The following ATAD2B variants were observed in gnomAD, a reference collection of about 807,000 sequenced individuals.
The protein encoded by ATAD2B is ATPase family AAA domain containing 2B.
ATAD2B carries 40 observed loss-of-function variants against 167.6 expected under a neutral mutation model. The ratio of observed to expected loss-of-function variants is 0.24; its 90% CI spans 0.19 to 0.31. The LOEUF (loss-of-function observed/expected upper bound fraction) is 0.31. Ranked by LOEUF, ATAD2B falls within the 10% of genes least tolerant of loss-of-function variation. ATAD2B has a pLI of 1.00. For synonymous variants in ATAD2B, 579 were observed against 596.5 expected (o/e 0.97, Z 0.43); for missense variants, 1,242 against 1,757.2 (o/e 0.71, Z 5.24).
chr2:23,850,074 C>T (rs978379434), intron 13 of ATAD2B, among the ~76,000 whole-genome samples: 1 of 141,922 alleles, frequency 7.0e-6, no homozygotes, highest in African/African-American at 2.6e-5. Flanking sequence ...ACCCGAGAGG[C>T]GGAGCTTGCA....
the ATAD2B span, among the ~76,000 whole-genome samples, chr2:23,734,539 G>A: frequency 6.6e-6 from 1 of 152,156 alleles, no homozygotes; most frequent in Admixed American, 6.5e-5. Context: ...GGCTGCGGAG[G>A]CCTCAGGAAA....
intron 12 of ATAD2B, among the ~76,000 whole-genome samples, chr2:23,859,362 T>G (rs1330249985): frequency 6.6e-6 from 1 of 152,010 alleles, no homozygotes; most frequent in South Asian, 2.1e-4. Context: ...CAGGCTGGAG[T>G]GCAGTGACAT....
intron 12 of ATAD2B, among the ~76,000 whole-genome samples, chr2:23,859,292 C>CTTATTTAT (rs535903874): frequency 4.8e-4 from 73 of 151,966 alleles, no homozygotes; most frequent in African/African-American, 1.6e-3. Context: ...CTAGAAGCTA[C>CTTATTTAT]TTATTTATTT....
rs1558479250 is a variant in ATAD2B at position 23,749,466 on chromosome 2, C to CAAT, written c.*2579_*2580insATT. ...AATGAAAAACTTACAGAAAGGTAAA[C>CAAT]AAAATTGAGTCCACTTTTTTAATTT... On this transcript the variant is annotated 3_prime_UTR_variant, in exon 28 of 28. Transcript: ENST00000238789. The CAAT allele has an allele frequency of 6.6e-6, 1 of 152,078 alleles. No individual in the cohort carries two copies. Among genetic ancestry groups the CAAT allele is most frequent in the East Asian group, 1.9e-4 (1 of 5,202 alleles). The allele number at this position is 152,078 out of a possible 1,614,324, so 9.4% of individuals were successfully genotyped here. A position where few individuals can be genotyped will look rare whatever the true frequency, so the allele number is the denominator to read the frequency against.
At chr2:23,714,637 T>C in the ATAD2B span, among the ~76,000 whole-genome samples, 1 of 151,676 alleles carries the variant, frequency 6.6e-6, no homozygotes, top group African/African-American at 2.4e-5. Context: ...GGTGAATCAC[T>C]TGAGGTCAGG....
Position 23,762,177 on chromosome 2 carries a change from C to T in ATAD2B, c.3394+32G>A, listed in dbSNP as rs199854550. The T allele has an allele frequency of 1.6e-5, 25 of 1,607,328 alleles. No individual in the cohort carries two copies. The African/African-American group carries it at 3.2e-4, about 21-fold the overall frequency. On this transcript the variant is annotated intron_variant, in intron 24 of 27. Coordinates refer to ENST00000238789, the MANE Select transcript of ATAD2B (RefSeq NM_017552.4). ...TATCTACATCATTCTCAGTTGTTCT[C>T]ACTACTGGATAACATGAGCTGAAAT...
chr2:23,844,622 T>G (rs376228536), intron 13 of ATAD2B, among the ~76,000 whole-genome samples: 2 of 152,028 alleles, frequency 1.3e-5, no homozygotes, highest in African/African-American at 4.8e-5. Context: ...AATAGCAGAT[T>G]AGACATTTCA....
intron 6 of ATAD2B, 142 bp from the exon 7 acceptor site, chr2:23,880,897 G>A: frequency 5.1e-6 from 3 of 586,666 alleles, no homozygotes; most frequent in South Asian, 4.6e-5. Context: ...ATTACGTAAA[G>A]CATACATAAT....
chr2:23,801,928 C>A (rs776780598), intron 18 of ATAD2B, among the ~76,000 whole-genome samples: 10 of 151,976 alleles, frequency 6.6e-5, no homozygotes, highest in Non-Finnish European at 1.3e-4. Context: ...CCATGAAAAT[C>A]TAGTGTATTT....
the ATAD2B span, among the ~76,000 whole-genome samples, chr2:23,694,252 G>C: frequency 5.3e-5 from 8 of 152,302 alleles, no homozygotes; most frequent in African/African-American, 1.2e-4. Flanking sequence ...AGCGATGCCT[G>C]GTCCCCAGAA....
At chr2:23,864,515 G>T (rs72788212) in intron 11 of ATAD2B, among the ~76,000 whole-genome samples, 2 of 151,904 alleles carry the variant, frequency 1.3e-5, no homozygotes, top group Non-Finnish European at 2.9e-5. Flanking sequence ...CATCAAACTC[G>T]ATGCACTGGG....
chr2:23,900,060 G>C (rs958110996), intron 1 of ATAD2B, among the ~76,000 whole-genome samples: 7 of 150,322 alleles, frequency 4.7e-5, no homozygotes, highest in Non-Finnish European at 1.0e-4. Flanking sequence ...TGGGATTACA[G>C]GTGCATGCCA....
chr2:23,884,058 C>T (rs972734358), intron 6 of ATAD2B, among the ~76,000 whole-genome samples: 5 of 152,054 alleles, frequency 3.3e-5, no homozygotes, highest in Non-Finnish European at 7.4e-5. Flanking sequence ...GCAGGAGAAT[C>T]GCTTGAACCC....
At chr2:23,897,632 A>G (rs886904906) in intron 1 of ATAD2B, among the ~76,000 whole-genome samples, 2 of 152,202 alleles carry the variant, frequency 1.3e-5, no homozygotes, top group South Asian at 2.1e-4. Flanking sequence ...TTCCTACTCT[A>G]TTTATTTTGT....
intron 1 of ATAD2B, among the ~76,000 whole-genome samples, chr2:23,911,565 GAGA>G (rs956453915): frequency 1.3e-4 from 20 of 149,440 alleles, no homozygotes; most frequent in South Asian, 4.2e-4. Context: ...AAAAAGAAAC[GAGA>G]AGAAGAAGAG....
At chr2:23,801,803 A>C (rs1683549460) in intron 18 of ATAD2B, among the ~76,000 whole-genome samples, 1 of 152,118 alleles carries the variant, frequency 6.6e-6, no homozygotes, top group African/African-American at 2.4e-5. Context: ...TGAAGTTAGA[A>C]GTATCCATCC....
intron 22 of ATAD2B, among the ~76,000 whole-genome samples, chr2:23,775,974 G>C (rs897358657): frequency 3.9e-5 from 6 of 152,110 alleles, no homozygotes; most frequent in Non-Finnish European, 8.8e-5. Context: ...AAATTAGCTG[G>C]GTGTGATGGT....
At chr2:23,714,397 G>A in the ATAD2B span, among the ~76,000 whole-genome samples, 10 of 124,134 alleles carry the variant, frequency 8.1e-5, no homozygotes, top group Admixed American at 8.7e-5. Context: ...CCACCACCAC[G>A]CCCGGCAAAT....
At chr2:23,912,643 AC>A (rs1280420683) in intron 1 of ATAD2B, among the ~76,000 whole-genome samples, 1 of 152,184 alleles carries the variant, frequency 6.6e-6, no homozygotes. Context: ...TTAAAAAAAA[AC>A]ACCAGAATTT....
Sources: allele counts gnomAD v4.1 joint callset (sites outside exome capture counted in the v4.1 genomes callset), GRCh38; gene constraint gnomAD v4.1.1; transcripts MANE v1.5; gene names NCBI Gene and HGNC (gene_info 2026-07-23, HGNC 2026-07-21).